DAPK1: variants seen among roughly 807,000 people sequenced by gnomAD.
The protein encoded by DAPK1 is death associated protein kinase 1.
DAPK1 carries 56 observed loss-of-function variants against 144.9 expected under a neutral mutation model. The ratio of observed to expected loss-of-function variants is 0.39; its 90% CI spans 0.31 to 0.48. The LOEUF is 0.48. Ranked by LOEUF, DAPK1 falls within the 20% of genes least tolerant of loss-of-function variation. DAPK1 has a pLI of 0.95. For missense variants in DAPK1, 1,454 were observed against 1,875.4 expected, an observed-to-expected ratio of 0.78 and a Z score of 4.15; for synonymous variants, 690 against 749.0, an observed-to-expected ratio of 0.92 and a Z score of 1.29.
At chr9:87,567,643 G>A (rs1198879247) in intron 2 of DAPK1, among the ~76,000 whole-genome samples, 2 of 152,092 alleles carry the variant, frequency 1.3e-5, no homozygotes, top group African/African-American at 2.4e-5. Flanking sequence ...CCACTGGCAC[G>A]CTTGCCATGG....
rs772493067 is a variant in DAPK1 at position 87,651,624 on chromosome 9, G to A, written c.1724G>A (p.Arg575Lys). The A allele has an allele frequency of 6.2e-7, 1 of 1,614,172 alleles. No individual in the cohort carries two copies. The highest frequency in any genetic ancestry group is 8.5e-7 in the Non-Finnish European group (1 of 1,180,008). ...GGGTGTTTCGTCGATTATCAAGACAGGCACGGCAATACTCCCCTCCATGTG... is the reference window on the plus strand; with the variant it reads ...GGGTGTTTCGTCGATTATCAAGACAAGCACGGCAATACTCCCCTCCATGTG... ...SQGCFVDYQD[R>K]HGNTPLHVAC... The change falls in exon 17 of 26, where the codon AGG becomes AAG. Residue 575 changes from arginine to lysine, a missense_variant. Coordinates refer to ENST00000408954, the MANE Select transcript of DAPK1 (RefSeq NM_004938.4).
At chr9:87,683,977 G>C (rs935052885) in intron 20 of DAPK1, among the ~76,000 whole-genome samples, 1 of 152,200 alleles carries the variant, frequency 6.6e-6, no homozygotes, top group African/African-American at 2.4e-5. Flanking sequence ...GGTGGCTGAG[G>C]GATCCCTGGG....
At chr9:87,653,815 T>C (rs1426255353) in intron 17 of DAPK1, among the ~76,000 whole-genome samples, 2 of 152,134 alleles carry the variant, frequency 1.3e-5, no homozygotes, top group African/African-American at 4.8e-5. Flanking sequence ...TGCCTCAGCC[T>C]CCTGAGTAGC....
chr9:87,587,484 A>G (rs1040696447), intron 2 of DAPK1, among the ~76,000 whole-genome samples: 4 of 152,174 alleles, frequency 2.6e-5, no homozygotes, highest in African/African-American at 9.6e-5. Flanking sequence ...AGCTTCAGTT[A>G]GAGTCTTTTT....
intron 21 of DAPK1, among the ~76,000 whole-genome samples, chr9:87,688,565 C>T (rs749775645): frequency 6.6e-6 from 1 of 152,134 alleles, no homozygotes; most frequent in African/African-American, 2.4e-5. Flanking sequence ...TATAGGTGTT[C>T]TCTTTTCTTC....
At chr9:87,516,347 G>A (rs1174024523) in intron 2 of DAPK1, among the ~76,000 whole-genome samples, 1 of 152,110 alleles carries the variant, frequency 6.6e-6, no homozygotes, top group African/African-American at 2.4e-5. Flanking sequence ...CAGCGGGCCC[G>A]TTCTCCCTGG....
chr9:87,571,436 A>AACACACACAC (rs374135959), intron 2 of DAPK1, among the ~76,000 whole-genome samples: 6 of 13,028 alleles, frequency 4.6e-4, no homozygotes, highest in African/African-American at 1.3e-3. Context: ...CCCACCCCCC[A>AACACACACAC]ACACACACAC....
At chr9:87,607,673 A>G (rs1017090381) in intron 3 of DAPK1, among the ~76,000 whole-genome samples, 4 of 152,148 alleles carry the variant, frequency 2.6e-5, no homozygotes, top group African/African-American at 9.7e-5. Flanking sequence ...ATGAAAGTTA[A>G]CACATGTAAA....
intron 20 of DAPK1, among the ~76,000 whole-genome samples, chr9:87,682,525 CAGTG>C (rs1405181583): frequency 6.6e-6 from 1 of 152,172 alleles, no homozygotes; most frequent in Non-Finnish European, 1.5e-5. Flanking sequence ...TACGTCCCCT[CAGTG>C]AGGGAGGACG....
chr9:87,693,412 C>G (rs1216276008), intron 21 of DAPK1, among the ~76,000 whole-genome samples: 1 of 151,824 alleles, frequency 6.6e-6, no homozygotes, highest in African/African-American at 2.4e-5. Context: ...TTCTTCAATT[C>G]TAGAATTTCT....
At chr9:87,591,686 T>C (rs1828140182) in intron 2 of DAPK1, among the ~76,000 whole-genome samples, 1 of 152,230 alleles carries the variant, frequency 6.6e-6, no homozygotes, top group African/African-American at 2.4e-5. Context: ...AACCAATTCT[T>C]CTATCTCATG....
chr9:87,693,308 A>C (rs1233608493), intron 21 of DAPK1, among the ~76,000 whole-genome samples: 1 of 151,800 alleles, frequency 6.6e-6, no homozygotes, highest in Non-Finnish European at 1.5e-5. Flanking sequence ...GGGTTATTAC[A>C]AAAGACCTGT....
chr9:87,601,680 T>G (rs1828524295), intron 2 of DAPK1, among the ~76,000 whole-genome samples: 1 of 152,130 alleles, frequency 6.6e-6, no homozygotes, highest in African/African-American at 2.4e-5. Flanking sequence ...CTCCCTATGG[T>G]CAGGTGCTGT....
At chr9:87,542,681 A>G (rs78607832) in intron 2 of DAPK1, among the ~76,000 whole-genome samples, 1,606 of 152,326 alleles carry the variant, frequency 0.011, 34 homozygotes, top group African/African-American at 0.037. Context: ...TTAAGGATGA[A>G]GAAGCTGTGG....
chr9:87,585,757 C>T (rs569730815), intron 2 of DAPK1, among the ~76,000 whole-genome samples: 1 of 152,270 alleles, frequency 6.6e-6, no homozygotes, highest in African/African-American at 2.4e-5. Context: ...ACATGACAGC[C>T]ACAGGCCACT....
intron 2 of DAPK1, among the ~76,000 whole-genome samples, chr9:87,540,330 C>T (rs148434056): frequency 0.023 from 3,462 of 151,716 alleles, 134 homozygotes; most frequent in African/African-American, 0.074. Context: ...GCTGGGATTA[C>T]GGGCCTGTGC....
At chr9:87,574,023 T>C (rs1021699875) in intron 2 of DAPK1, among the ~76,000 whole-genome samples, 2 of 152,240 alleles carry the variant, frequency 1.3e-5, no homozygotes, top group South Asian at 4.1e-4. Flanking sequence ...ATTATGCCAC[T>C]GTGCTATCCT....
intron 2 of DAPK1, among the ~76,000 whole-genome samples, chr9:87,550,272 G>T (rs73492367): frequency 0.033 from 4,969 of 152,300 alleles, 279 homozygotes; most frequent in African/African-American, 0.11. Context: ...ATGTGGATGA[G>T]ATCCTAGAAT....
chr9:87,698,510 C>A (rs1825338223), intron 22 of DAPK1, 146 bp from the exon 23 acceptor site: 3 of 659,938 alleles, frequency 4.5e-6, no homozygotes, highest in African/African-American at 3.6e-5. Flanking sequence ...GCACAGCAGG[C>A]GTGGGGCCTT....
Sources: gnomAD v4.1 joint callset for allele counts (sites outside exome capture counted in the v4.1 genomes callset) on GRCh38, gnomAD v4.1.1 for gene constraint, MANE v1.5 for transcripts, NCBI Gene and HGNC (gene_info 2026-07-23, HGNC 2026-07-21) for gene names.